Variants in MEI4 observed in about 807,000 individuals in gnomAD.
The protein encoded by MEI4 is meiosis-specific protein MEI4.
A neutral mutation model predicts 31.4 loss-of-function variants in MEI4; 27 were observed. The observed-to-expected ratio is 0.86, with a 90% CI of 0.63 to 1.19. MEI4 has a LOEUF of 1.19. Among genes scored for constraint, MEI4 ranks in the 50% most tolerant of loss-of-function variants. The probability of loss-of-function intolerance (pLI) is 0.00; values close to 1 mark genes in which losing one functional copy is unlikely to be tolerated. For missense variants in MEI4, 329 were observed against 398.9 expected, an observed-to-expected ratio of 0.82 and a Z score of 1.49; for synonymous variants, 122 against 145.4, an observed-to-expected ratio of 0.84 and a Z score of 1.16.
chr6:77,899,895 G>A (rs1179491338), intron 4 of MEI4, among the ~76,000 whole-genome samples: 1 of 148,778 alleles, frequency 6.7e-6, no homozygotes, highest in African/African-American at 2.5e-5. Flanking sequence ...ATGTCTCTTT[G>A]ACTTAAATGT....
intron 3 of MEI4, among the ~76,000 whole-genome samples, chr6:77,792,928 G>C (rs1768976898): frequency 1.3e-5 from 2 of 152,034 alleles, no homozygotes; most frequent in South Asian, 4.1e-4. Flanking sequence ...TAGCCAGGAT[G>C]GTCTTGATCT....
chr6:77,699,641 G>A (rs1165230673), intron 2 of MEI4, among the ~76,000 whole-genome samples: 4 of 152,186 alleles, frequency 2.6e-5, no homozygotes, highest in Non-Finnish European at 5.9e-5. Context: ...TTCCTTTGGA[G>A]GAGGAGAGGC....
At chr6:77,801,386 T>G (rs1221687954) in intron 3 of MEI4, among the ~76,000 whole-genome samples, 1 of 152,186 alleles carries the variant, frequency 6.6e-6, no homozygotes, top group Non-Finnish European at 1.5e-5. Flanking sequence ...GTTTTCTTCT[T>G]TTTTAGTCTT....
intron 3 of MEI4, among the ~76,000 whole-genome samples, chr6:77,768,699 C>CA (rs11332685): frequency 0.016 from 1,822 of 116,476 alleles, 24 homozygotes; most frequent in African/African-American, 0.045. Context: ...GACTCCATCT[C>CA]AAAAAAAAAA....
rs777457828 is a variant in MEI4, at chr6:77,852,973, C to T, written c.900+23911C>T. Among the ~76,000 whole-genome samples, 17 of 152,008 alleles carry T rather than the reference C, an allele frequency of 1.1e-4. No homozygotes were observed. The East Asian group carries it at 1.7e-3, about 16-fold the overall frequency. On this transcript the variant is annotated intron_variant, in intron 4 of 4. Coordinates refer to ENST00000684080, the MANE Select transcript of MEI4 (RefSeq NM_001322247.2). ...CAGCACTTTGGGAGGCCGAGGCAGGCGGATCACCTGAGGTCGGGAGTTTGA... is the reference window on the plus strand; with the variant it reads ...CAGCACTTTGGGAGGCCGAGGCAGGTGGATCACCTGAGGTCGGGAGTTTGA...
intron 4 of MEI4, among the ~76,000 whole-genome samples, chr6:77,876,586 C>T (rs1383971824): frequency 6.6e-6 from 1 of 152,156 alleles, no homozygotes. Context: ...AGGCAACTAC[C>T]TAACCCATTG....
intron 3 of MEI4, among the ~76,000 whole-genome samples, chr6:77,773,435 AG>A (rs1456332064): frequency 6.6e-6 from 1 of 152,060 alleles, no homozygotes; most frequent in Non-Finnish European, 1.5e-5. Flanking sequence ...CACTGGAGAA[AG>A]AACAGTCTCT....
intron 4 of MEI4, among the ~76,000 whole-genome samples, chr6:77,879,750 G>A (rs183749374): frequency 6.6e-6 from 1 of 152,228 alleles, no homozygotes; most frequent in Non-Finnish European, 1.5e-5. Context: ...AGGAGAACAT[G>A]CCATGTTAGG....
intron 3 of MEI4, among the ~76,000 whole-genome samples, chr6:77,814,895 C>T (rs534333352): frequency 6.6e-6 from 1 of 152,182 alleles, no homozygotes; most frequent in East Asian, 1.9e-4. Context: ...TGTCCTTAAC[C>T]TTGGCAAAAT....
At chr6:77,772,712 A>G (rs1488974947) in intron 3 of MEI4, among the ~76,000 whole-genome samples, 2 of 152,022 alleles carry the variant, frequency 1.3e-5, no homozygotes, top group Non-Finnish European at 2.9e-5. Context: ...AGCTAGAACA[A>G]TCAGACAAGA....
intron 2 of MEI4, among the ~76,000 whole-genome samples, chr6:77,731,384 G>A (rs1449378819): frequency 2.0e-5 from 3 of 150,988 alleles, no homozygotes; most frequent in Non-Finnish European, 3.0e-5. Context: ...GCCAGTGATG[G>A]TGAGCATTTT....
At chr6:77,856,328 T>C (rs2127719723) in intron 4 of MEI4, among the ~76,000 whole-genome samples, 1 of 152,254 alleles carries the variant, frequency 6.6e-6, no homozygotes, top group African/African-American at 2.4e-5. Context: ...TCCTTCTCTT[T>C]TCTGACTCCT....
At chr6:77,666,087 TC>T (rs1466090999) in intron 1 of MEI4, among the ~76,000 whole-genome samples, 1 of 152,114 alleles carries the variant, frequency 6.6e-6, no homozygotes, top group African/African-American at 2.4e-5. Context: ...GTGGGCTGAG[TC>T]CGAAAAGAGA....
chr6:77,920,035 A>G (rs1197349396), intron 4 of MEI4, among the ~76,000 whole-genome samples: 3 of 147,204 alleles, frequency 2.0e-5, no homozygotes, highest in Non-Finnish European at 4.5e-5. Context: ...AGAGTCCAGG[A>G]CCAGATGGAT....
At position 77,925,559 on chromosome 6, in the gene MEI4, GTTTATA is replaced by G. The variant is rs995151477; in HGVS notation, c.*2218_*2223del. On this transcript the variant is annotated 3_prime_UTR_variant, in exon 5 of 5. Coordinates refer to ENST00000684080, the MANE Select transcript of MEI4 (RefSeq NM_001322247.2). The stretch of plus-strand genomic sequence containing the variant: ...TACAATGTTTAAGAATGTTATAACA[GTTTATA>G]TTTAGGTAATGTCTAACTTTAGAAT... 2.6e-5 allele frequency: 4 copies of G among 151,684 alleles called. No individual in the cohort carries two copies. Among genetic ancestry groups the G allele is most frequent in the South Asian group, 2.1e-4 (1 of 4,822 alleles). 9.4% of individuals were successfully genotyped at this position (151,684 alleles called of 1,614,324 possible).
At chr6:77,704,619 A>AGT (rs1333997349) in intron 2 of MEI4, among the ~76,000 whole-genome samples, 4 of 152,206 alleles carry the variant, frequency 2.6e-5, no homozygotes, top group Non-Finnish European at 5.9e-5. Flanking sequence ...AGAAATTCTA[A>AGT]GTGGGGCTCA....
chr6:77,775,993 G>C (rs1768428936), intron 3 of MEI4, among the ~76,000 whole-genome samples: 1 of 151,848 alleles, frequency 6.6e-6, no homozygotes, highest in Admixed American at 6.6e-5. Flanking sequence ...ATCTTCTTTT[G>C]AGAATTGTCT....
chr6:77,917,899 A>T (rs1766601161), intron 4 of MEI4, among the ~76,000 whole-genome samples: 1 of 147,876 alleles, frequency 6.8e-6, no homozygotes, highest in African/African-American at 2.5e-5. Flanking sequence ...TTATGGTTTT[A>T]GGTCTAACGT....
In MEI4 at chr6:77,690,824, T is replaced by C. The variant is rs894374905; in HGVS notation, c.153T>C (p.Val51=). ...AGCAGTCAAAATGGAGATCAAAAGT[T>C]GAAATCTTGGAAGCTGAAGTTATGC... is the stretch of plus-strand genomic sequence containing the variant. ...SEEQSKWRSK[V]EILEAEVMQL... The change falls in exon 2 of 5, where the codon GTT becomes GTC. Residue 51 remains valine, a synonymous_variant. Coordinates refer to ENST00000684080, the MANE Select transcript of MEI4 (RefSeq NM_001322247.2). 1.9e-5 allele frequency: 24 copies of C among 1,231,498 alleles called. No homozygotes were observed. The African/African-American group carries it at 3.4e-4, about 18-fold the overall frequency. The allele number at this position is 1,231,498 out of a possible 1,614,324, so 76.3% of individuals were successfully genotyped here. A position where few individuals can be genotyped will look rare whatever the true frequency, so the allele number is the denominator to read the frequency against.
Sources: gnomAD v4.1 joint callset for allele counts (sites outside exome capture counted in the v4.1 genomes callset) on GRCh38, gnomAD v4.1.1 for gene constraint, MANE v1.5 for transcripts, NCBI Gene and HGNC (gene_info 2026-07-23, HGNC 2026-07-21) for gene names.